NBN: variants seen among roughly 807,000 people sequenced by gnomAD.
NBN encodes the protein Nijmegen breakage syndrome 1 (nibrin).
Under a neutral mutation model 90.8 loss-of-function variants are expected in NBN, and 88 were observed. The observed-to-expected ratio is 0.97, with a 90% confidence interval of 0.82 to 1.16. The LOEUF is 1.16. Ranked by LOEUF, NBN falls within the 50% of genes most tolerant of loss-of-function variation. NBN has a pLI of 0.00. For missense variants in NBN, 894 were observed against 869.6 expected, an observed-to-expected ratio of 1.03 and a Z score of -0.35; for synonymous variants, 328 against 295.1, an observed-to-expected ratio of 1.11 and a Z score of -1.14.
intron 7 of NBN, among the ~76,000 whole-genome samples, chr8:89,967,007 A>AGAAATCT (rs1340016713): frequency 8.5e-5 from 13 of 152,372 alleles, no homozygotes; most frequent in African/African-American, 3.1e-4. Flanking sequence ...GATTTTTACT[A>AGAAATCT]TATAGCAGGT....
Position 89,981,357 on chromosome 8 carries a change from A to G in NBN, c.320+18T>C. On this transcript the variant is annotated intron_variant, in intron 3 of 15. Transcript: ENST00000265433. ...AAACAAAGCTGTCCATTTTAAAATC[A>G]ATTTTAAAATGTCTTACCTGAATTT... is the stretch of plus-strand genomic sequence containing the variant. 6.2e-7 allele frequency: 1 copy of G among 1,607,834 alleles called. No homozygotes were observed. Among genetic ancestry groups the G allele is most frequent in the Non-Finnish European group, 8.5e-7 (1 of 1,174,490 alleles).
chr8:89,957,103 T>TA (rs199893843), intron 9 of NBN, among the ~76,000 whole-genome samples: 2 of 152,026 alleles, frequency 1.3e-5, no homozygotes, highest in South Asian at 2.1e-4. Context: ...CTCCTTCTTA[T>TA]AAAAAAAATA....
At chr8:89,983,954 C>G (rs1456075495) in intron 1 of NBN, among the ~76,000 whole-genome samples, 2 of 152,172 alleles carry the variant, frequency 1.3e-5, no homozygotes, top group Non-Finnish European at 2.9e-5. Flanking sequence ...CCCTTCACAC[C>G]CACCACGGGC....
At chr8:89,962,865 C>T (rs746995438) in intron 8 of NBN, among the ~76,000 whole-genome samples, 1 of 152,176 alleles carries the variant, frequency 6.6e-6, no homozygotes, top group Admixed American at 6.5e-5. Context: ...ATCATCCCTA[C>T]ACCACCATTT....
chr8:89,961,971 T>C (rs1308273598), intron 8 of NBN, among the ~76,000 whole-genome samples: 2 of 152,106 alleles, frequency 1.3e-5, no homozygotes, highest in African/African-American at 4.8e-5. Context: ...GCAGAAGCTG[T>C]AGAGTGAGAA....
At position 89,964,455 on chromosome 8, in the gene NBN, T is replaced by C. The variant is rs587782502; in HGVS notation, c.949A>G (p.Met317Val). ...EAEIGLAVIFMTTKNYCDPQG... is the reference protein window; with the variant it reads ...EAEIGLAVIFVTTKNYCDPQG... ...GGATCACAGTAATTCTTTGTAGTCATGAAAATCACCGCCAATCCAATTTCT... is the reference window on the plus strand; with the variant it reads ...GGATCACAGTAATTCTTTGTAGTCACGAAAATCACCGCCAATCCAATTTCT... The change falls in exon 8 of 16, where the codon ATG becomes GTG. Residue 317 changes from methionine (M) to valine (V), a missense_variant. Physicochemically the swap from Met to Val is conservative, Grantham distance 21. Transcript: ENST00000265433. 7.4e-6 allele frequency: 12 copies of C among 1,613,636 alleles called. No homozygotes were observed. In the Middle Eastern group the frequency reaches 1.2e-3, roughly 155 times the overall value.
At chr8:89,945,231 T>C (rs542143497) in intron 13 of NBN, among the ~76,000 whole-genome samples, 1 of 152,204 alleles carries the variant, frequency 6.6e-6, no homozygotes, top group Non-Finnish European at 1.5e-5. Flanking sequence ...TTTGTGCTAT[T>C]CATGAGCCTC....
intron 4 of NBN, 92 bp from the exon 5 acceptor site, chr8:89,978,415 A>G: frequency 1.0e-6 from 1 of 994,126 alleles, no homozygotes; most frequent in Non-Finnish European, 1.5e-6. Flanking sequence ...GAGGCTGTTT[A>G]CATCCATAAA....
chr8:89,978,143 A>G, intron 5 of NBN, 77 bp downstream of exon 5: 1 of 1,239,444 alleles, frequency 8.1e-7, no homozygotes, highest in African/African-American at 1.5e-5. Context: ...ACAAGCATTA[A>G]AGAGGGAATT....
At chr8:89,946,466 A>G (rs533216419) in intron 12 of NBN, 171 bp from the exon 13 acceptor site, 9 of 623,412 alleles carry the variant, frequency 1.4e-5, no homozygotes, top group South Asian at 9.7e-5. Context: ...CTAATTCAAG[A>G]TAAGAAAATT....
At chr8:89,945,826 T>G (rs528153948) in intron 13 of NBN, among the ~76,000 whole-genome samples, 11 of 152,312 alleles carry the variant, frequency 7.2e-5, no homozygotes, top group African/African-American at 2.4e-4. Flanking sequence ...CCTCCTCAAG[T>G]AGTTGTAGAC....
intron 14 of NBN, among the ~76,000 whole-genome samples, chr8:89,941,796 G>C (rs1809962193): frequency 6.6e-6 from 1 of 152,124 alleles, no homozygotes; most frequent in Admixed American, 6.5e-5. Context: ...AAAAAGAAAA[G>C]GAGAAAGGAT....
At chr8:89,955,597 A>G in intron 9 of NBN, 42 bp from the exon 10 acceptor site, 8 of 1,592,946 alleles carry the variant, frequency 5.0e-6, no homozygotes, top group Non-Finnish European at 6.0e-6. Context: ...AATCAAGTTT[A>G]CAGCAACTTT....
At chr8:89,937,645 C>T (rs563953820) in intron 14 of NBN, among the ~76,000 whole-genome samples, 37 of 152,296 alleles carry the variant, frequency 2.4e-4, no homozygotes, top group African/African-American at 8.9e-4. Flanking sequence ...ATGCCCTTAT[C>T]ATATGCAATT....
At chr8:89,956,238 A>G (rs527952490) in intron 9 of NBN, among the ~76,000 whole-genome samples, 15 of 151,676 alleles carry the variant, frequency 9.9e-5, no homozygotes, top group African/African-American at 3.6e-4. Flanking sequence ...CTGTCATTCA[A>G]GCAACTTCCA....
intron 7 of NBN, among the ~76,000 whole-genome samples, chr8:89,968,166 G>A (rs1162319273): frequency 1.3e-5 from 2 of 152,130 alleles, no homozygotes; most frequent in African/African-American, 4.8e-5. Flanking sequence ...GGCTGAGGCA[G>A]GAGAATTGCT....
intron 13 of NBN, 134 bp from the exon 14 acceptor site, chr8:89,943,500 G>C: frequency 3.2e-6 from 3 of 923,246 alleles, no homozygotes; most frequent in Non-Finnish European, 3.3e-6. Flanking sequence ...AAATAAAAGT[G>C]AGAGCAGTAA....
chr8:89,968,823 A>G (rs930264718), intron 7 of NBN, among the ~76,000 whole-genome samples: 9 of 152,168 alleles, frequency 5.9e-5, no homozygotes, highest in African/African-American at 1.9e-4. Flanking sequence ...GATGGCAGGG[A>G]CTGTGACTAT....
rs750391983 is a variant in NBN, at chr8:89,984,532, C to G, written c.30G>C (p.Pro10=). The G allele has an allele frequency of 6.2e-7, 1 of 1,613,170 alleles. No individual in the cohort carries two copies. Among genetic ancestry groups the G allele is most frequent in the Non-Finnish European group, 8.5e-7 (1 of 1,179,692 alleles). The change falls in exon 1 of 16, where the codon CCG becomes CCC. Residue 10 remains proline (P), a synonymous_variant. Coordinates refer to ENST00000265433, the MANE Select transcript of NBN (RefSeq NM_002485.5). The stretch of plus-strand genomic sequence containing the variant: ...CTTCCCTTCTGCCCTTACCTCCTGC[C>G]GGGCCCGCGGCGGGCAGCAGTTTCC... MWKLLPAAG[P]AGGEPYRLLT... is the part of the protein sequence containing the mutation.
Sources: allele counts gnomAD v4.1 joint callset (sites outside exome capture counted in the v4.1 genomes callset), GRCh38; gene constraint gnomAD v4.1.1; transcripts MANE v1.5; gene names NCBI Gene and HGNC (gene_info 2026-07-23, HGNC 2026-07-21).